KCNH7: variants seen among roughly 807,000 people sequenced by gnomAD.
KCNH7 encodes the protein potassium voltage-gated channel subfamily H member 7, also known as voltage-gated inwardly rectifying potassium channel KCNH7.
KCNH7 carries 49 observed loss-of-function variants against 120.8 expected under a neutral mutation model. That is an observed-to-expected ratio of 0.41 (90% CI 0.32 to 0.51). KCNH7 has a LOEUF of 0.51. Ranked by LOEUF, KCNH7 falls within the 20% of genes least tolerant of loss-of-function variation. The probability of loss-of-function intolerance (pLI) is 0.38; values close to 1 mark genes in which losing one functional copy is unlikely to be tolerated. For missense variants in KCNH7, 1,097 were observed against 1,446.6 expected (o/e 0.76, Z 3.92); for synonymous variants, 547 against 516.1 (o/e 1.06, Z -0.81).
chr2:162,411,922 T>G (rs944551255), intron 9 of KCNH7, among the ~76,000 whole-genome samples: 5 of 151,940 alleles, frequency 3.3e-5, no homozygotes, highest in Non-Finnish European at 7.4e-5. Context: ...CATCCAATAT[T>G]AAATCCTCAA....
intron 13 of KCNH7, among the ~76,000 whole-genome samples, chr2:162,380,703 T>G (rs977759758): frequency 6.6e-6 from 1 of 152,188 alleles, no homozygotes; most frequent in African/African-American, 2.4e-5. Flanking sequence ...TTTTAAATAT[T>G]GCTATGTTAC....
At chr2:162,768,036 A>G (rs1682889506) in intron 2 of KCNH7, among the ~76,000 whole-genome samples, 1 of 152,234 alleles carries the variant, frequency 6.6e-6, no homozygotes, top group Admixed American at 6.5e-5. Flanking sequence ...TAAGAGAAAT[A>G]TGAAATAAAT....
At chr2:162,472,624 C>G (rs901676846) in intron 6 of KCNH7, among the ~76,000 whole-genome samples, 4 of 152,268 alleles carry the variant, frequency 2.6e-5, no homozygotes, top group African/African-American at 9.6e-5. Context: ...AATAGGAACA[C>G]TTTTACACTG....
intron 2 of KCNH7, among the ~76,000 whole-genome samples, chr2:162,722,348 CA>C (rs1328159717): frequency 4.6e-5 from 7 of 151,790 alleles, no homozygotes; most frequent in African/African-American, 1.7e-4. Flanking sequence ...TGAAAAAATC[CA>C]AATAATAATT....
chr2:162,788,853 C>A (rs1683810759), intron 2 of KCNH7, among the ~76,000 whole-genome samples: 1 of 151,664 alleles, frequency 6.6e-6, no homozygotes, highest in South Asian at 2.1e-4. Context: ...AAGTCAAAGA[C>A]AAACAGAGGA....
intron 2 of KCNH7, among the ~76,000 whole-genome samples, chr2:162,615,190 G>A (rs937834221): frequency 6.6e-6 from 1 of 152,098 alleles, no homozygotes; most frequent in Admixed American, 6.5e-5. Context: ...GTGTTTTCTA[G>A]GCATCAGTGT....
intron 2 of KCNH7, among the ~76,000 whole-genome samples, chr2:162,787,417 G>A (rs1427964258): frequency 6.6e-6 from 1 of 151,902 alleles, no homozygotes; most frequent in African/African-American, 2.4e-5. Context: ...GGCTCCTATA[G>A]CCCCAGGATC....
At chr2:162,437,971 C>T (rs1688301156) in intron 7 of KCNH7, among the ~76,000 whole-genome samples, 1 of 152,126 alleles carries the variant, frequency 6.6e-6, no homozygotes, top group Non-Finnish European at 1.5e-5. Flanking sequence ...TTCACCATTT[C>T]TACACAGCTC....
At chr2:162,459,817 C>T (rs545709526) in intron 6 of KCNH7, among the ~76,000 whole-genome samples, 4 of 152,122 alleles carry the variant, frequency 2.6e-5, no homozygotes, top group Non-Finnish European at 5.9e-5. Flanking sequence ...GCAAAGAGGC[C>T]GGGCGCAGTG....
At chr2:162,394,665 G>C (rs1249069396) in intron 11 of KCNH7, among the ~76,000 whole-genome samples, 180 bp from the exon 12 acceptor site, 1 of 151,916 alleles carries the variant, frequency 6.6e-6, no homozygotes, top group Non-Finnish European at 1.5e-5. Context: ...AACATACACA[G>C]ATAGAATAAT....
At chr2:162,661,574 C>T (rs1684959744) in intron 2 of KCNH7, among the ~76,000 whole-genome samples, 1 of 152,062 alleles carries the variant, frequency 6.6e-6, no homozygotes, top group African/African-American at 2.4e-5. Context: ...TTCCCTATAT[C>T]CAAATGAGGT....
At chr2:162,401,391 A>T (rs1230245439) in intron 9 of KCNH7, among the ~76,000 whole-genome samples, 1 of 151,840 alleles carries the variant, frequency 6.6e-6, no homozygotes, top group Non-Finnish European at 1.5e-5. Flanking sequence ...ATACACTTTG[A>T]GGTGGAGGAA....
intron 2 of KCNH7, among the ~76,000 whole-genome samples, chr2:162,692,270 C>G (rs1686139914): frequency 6.6e-6 from 1 of 151,656 alleles, no homozygotes; most frequent in Admixed American, 6.6e-5. Context: ...GGACAATAGG[C>G]ACACGCCACC....
chr2:162,732,229 T>A (rs1687756837), intron 2 of KCNH7, among the ~76,000 whole-genome samples: 1 of 152,092 alleles, frequency 6.6e-6, no homozygotes, highest in Admixed American at 6.6e-5. Context: ...TCTCCTGAGC[T>A]GATATTAGTA....
chr2:162,626,122 A>G (rs1340009662), intron 2 of KCNH7, among the ~76,000 whole-genome samples: 1 of 152,134 alleles, frequency 6.6e-6, no homozygotes, highest in South Asian at 2.1e-4. Context: ...TCAATTTTCA[A>G]TAAATATGTA....
intron 2 of KCNH7, among the ~76,000 whole-genome samples, chr2:162,602,651 A>T (rs2105954893): frequency 6.6e-6 from 1 of 152,086 alleles, no homozygotes; most frequent in Admixed American, 6.6e-5. Flanking sequence ...GAACCTCCCT[A>T]ACGACTTTAT....
Position 162,838,689 on chromosome 2 carries a change from C to T in KCNH7, c.-171G>A, listed in dbSNP as rs1215068163. The T allele has an allele frequency of 5.5e-6, 3 of 541,878 alleles. No individual in the cohort carries two copies. In the African/African-American group the frequency reaches 5.8e-5, roughly 11 times the overall value. The allele number at this position is 541,878 out of a possible 1,614,324, so 33.6% of individuals were successfully genotyped here. ...ACCACTTCTAGACACCCGCTTTCCCCACCGGAGTCCAATCCATTCCCCTCA... is the reference window on the plus strand; with the variant it reads ...ACCACTTCTAGACACCCGCTTTCCCTACCGGAGTCCAATCCATTCCCCTCA... On this transcript the variant is annotated 5_prime_UTR_variant, in exon 1 of 16. Transcript: ENST00000332142.
At chr2:162,718,848 A>C (rs1687227167) in intron 2 of KCNH7, among the ~76,000 whole-genome samples, 1 of 151,994 alleles carries the variant, frequency 6.6e-6, no homozygotes, top group South Asian at 2.1e-4. Flanking sequence ...CTCTCTATAA[A>C]GTCATGTTCA....
chr2:162,407,972 T>A (rs1381661895), intron 9 of KCNH7, among the ~76,000 whole-genome samples: 1 of 152,080 alleles, frequency 6.6e-6, no homozygotes, highest in Non-Finnish European at 1.5e-5. Context: ...TAGCATCAAA[T>A]TTTTTATTGA....
Sources: gnomAD v4.1 joint callset for allele counts (sites outside exome capture counted in the v4.1 genomes callset) on GRCh38, gnomAD v4.1.1 for gene constraint, MANE v1.5 for transcripts, NCBI Gene and HGNC (gene_info 2026-07-23, HGNC 2026-07-21) for gene names.